Variants in SLCO3A1 observed in about 807,000 individuals in gnomAD.
SLCO3A1 encodes PGE1 transporter.
A neutral mutation model predicts 63.1 loss-of-function variants in SLCO3A1; 27 were observed. The observed-to-expected ratio is 0.43, with a 90% CI of 0.32 to 0.59. SLCO3A1 has a LOEUF of 0.59. SLCO3A1 is among the 20% of genes least tolerant of loss of function. The probability of loss-of-function intolerance (pLI) is 0.09; values close to 1 mark genes in which losing one functional copy is unlikely to be tolerated. For synonymous variants in SLCO3A1, 473 were observed against 409.9 expected, an observed-to-expected ratio of 1.15 and a Z score of -1.86; for missense variants, 773 against 945.8, an observed-to-expected ratio of 0.82 and a Z score of 2.40.
chr15:92,158,574 CTGTCACAG>C (rs1292202878), intron 9 of SLCO3A1, among the ~76,000 whole-genome samples: 9 of 152,238 alleles, frequency 5.9e-5, no homozygotes, highest in Non-Finnish European at 1.3e-4. Context: ...GCCAGTCACA[CTGTCACAG>C]TCTCCCATTT....
At chr15:92,003,404 T>C (rs1378151832) in intron 2 of SLCO3A1, among the ~76,000 whole-genome samples, 1 of 152,200 alleles carries the variant, frequency 6.6e-6, no homozygotes, top group Non-Finnish European at 1.5e-5. Flanking sequence ...TACATTCCTT[T>C]TGCTTATTAG....
At chr15:92,134,781 G>A (rs2048036146) in intron 7 of SLCO3A1, among the ~76,000 whole-genome samples, 2 of 152,062 alleles carry the variant, frequency 1.3e-5, no homozygotes, top group South Asian at 4.2e-4. Context: ...AACATTAAAG[G>A]TTAGGTGGTT....
At chr15:92,054,875 A>G (rs936392157) in intron 2 of SLCO3A1, among the ~76,000 whole-genome samples, 11 of 152,066 alleles carry the variant, frequency 7.2e-5, no homozygotes, top group African/African-American at 2.4e-4. Flanking sequence ...GGTTGATTCC[A>G]TGTTCTTGGT....
intron 1 of SLCO3A1, among the ~76,000 whole-genome samples, chr15:91,889,366 C>T (rs1897813723): frequency 6.6e-6 from 1 of 152,200 alleles, no homozygotes; most frequent in Non-Finnish European, 1.5e-5. Context: ...CTTCAATTTC[C>T]CTGGGTCTCT....
intron 3 of SLCO3A1, 149 bp downstream of exon 3, chr15:92,095,128 T>C: frequency 1.7e-6 from 1 of 597,112 alleles, no homozygotes; most frequent in Non-Finnish European, 3.0e-6. Context: ...CGAGATTAGA[T>C]GAAAGAACGT....
chr15:92,129,387 C>T (rs935669724), intron 7 of SLCO3A1, among the ~76,000 whole-genome samples: 2 of 152,204 alleles, frequency 1.3e-5, no homozygotes, highest in Non-Finnish European at 2.9e-5. Flanking sequence ...TCTTTTCATA[C>T]ACCTCCCTCC....
intron 9 of SLCO3A1, among the ~76,000 whole-genome samples, chr15:92,161,002 A>T (rs1392271768): frequency 6.6e-6 from 1 of 152,106 alleles, no homozygotes; most frequent in African/African-American, 2.4e-5. Flanking sequence ...TCTAGATCTC[A>T]TCAAAATCTC....
chr15:92,028,604 A>G (rs1399510134), intron 2 of SLCO3A1, among the ~76,000 whole-genome samples: 1 of 152,108 alleles, frequency 6.6e-6, no homozygotes, highest in African/African-American at 2.4e-5. Context: ...AGCCAATCCA[A>G]TCAGGATTTG....
chr15:92,099,818 T>C (rs188319665), intron 3 of SLCO3A1, among the ~76,000 whole-genome samples: 19 of 152,166 alleles, frequency 1.2e-4, no homozygotes. Context: ...TCCCAGCATT[T>C]TGGGAGGCCG....
intron 2 of SLCO3A1, among the ~76,000 whole-genome samples, chr15:92,003,909 G>A (rs72755698): frequency 0.039 from 5,906 of 152,248 alleles, 194 homozygotes; most frequent in Non-Finnish European, 0.054. Context: ...GCGCAGCTGG[G>A]GACCTGCTGC....
intron 2 of SLCO3A1, among the ~76,000 whole-genome samples, chr15:92,059,291 C>T (rs935325134): frequency 3.3e-5 from 5 of 152,222 alleles, no homozygotes; most frequent in African/African-American, 1.2e-4. Flanking sequence ...AAGAAGCTGT[C>T]GGGTGCCCTG....
At chr15:92,074,321 C>A (rs908921322) in intron 2 of SLCO3A1, among the ~76,000 whole-genome samples, 1 of 152,150 alleles carries the variant, frequency 6.6e-6, no homozygotes, top group African/African-American at 2.4e-5. Flanking sequence ...AACACCAACC[C>A]GAAAGATGCA....
intron 2 of SLCO3A1, among the ~76,000 whole-genome samples, chr15:91,985,664 G>C (rs116612102): frequency 1.3e-5 from 2 of 152,100 alleles, no homozygotes; most frequent in Non-Finnish European, 2.9e-5. Flanking sequence ...TGGTCCTTAC[G>C]TCAGACAATG....
intron 2 of SLCO3A1, among the ~76,000 whole-genome samples, chr15:91,949,389 G>A (rs1417038775): frequency 6.6e-6 from 1 of 152,122 alleles, no homozygotes; most frequent in Non-Finnish European, 1.5e-5. Context: ...CAGCACTTTG[G>A]GAGGCTGAGA....
intron 2 of SLCO3A1, among the ~76,000 whole-genome samples, chr15:91,979,867 A>G (rs2045962364): frequency 6.6e-6 from 1 of 152,188 alleles, no homozygotes; most frequent in Non-Finnish European, 1.5e-5. Context: ...AGGGTGTACA[A>G]ACTATTGGTG....
At chr15:92,091,437 C>T (rs1042136442) in intron 2 of SLCO3A1, among the ~76,000 whole-genome samples, 3 of 152,198 alleles carry the variant, frequency 2.0e-5, no homozygotes, top group Non-Finnish European at 2.9e-5. Context: ...GCAGAACATT[C>T]GAGCTGGCTT....
intron 2 of SLCO3A1, among the ~76,000 whole-genome samples, chr15:91,960,059 C>A (rs997831855): frequency 6.6e-6 from 1 of 152,120 alleles, no homozygotes; most frequent in Non-Finnish European, 1.5e-5. Context: ...TCTCGGCTCA[C>A]TGCAACCTCC....
chr15:91,921,735 T>A (rs1348724627), intron 2 of SLCO3A1, among the ~76,000 whole-genome samples: 4 of 151,774 alleles, frequency 2.6e-5, no homozygotes, highest in Non-Finnish European at 1.5e-5. Context: ...TTTTTTTTTT[T>A]TTATTCTTTT....
intron 7 of SLCO3A1, among the ~76,000 whole-genome samples, chr15:92,137,115 C>T (rs2048068718): frequency 6.9e-6 from 1 of 144,036 alleles, no homozygotes; most frequent in Admixed American, 7.0e-5. Flanking sequence ...CAATGCTATC[C>T]CTCCCCCGTC....
Sources: gnomAD v4.1 joint callset for allele counts (sites outside exome capture counted in the v4.1 genomes callset) on GRCh38, gnomAD v4.1.1 for gene constraint, MANE v1.5 for transcripts, NCBI Gene and HGNC (gene_info 2026-07-23, HGNC 2026-07-21) for gene names.